Variants in TRPM3 observed in about 807,000 individuals in gnomAD.
The protein encoded by TRPM3 is long transient receptor potential channel 3.
A neutral mutation model predicts 181.2 loss-of-function variants in TRPM3; 77 were observed. The observed-to-expected ratio is 0.42, with a 90% confidence interval of 0.35 to 0.51. The LOEUF is 0.51. Among genes scored for constraint, TRPM3 ranks in the 20% least tolerant of loss-of-function variants. The pLI is 0.01. For synonymous variants in TRPM3, 745 were observed against 796.4 expected (o/e 0.94, Z 1.09); for missense variants, 1,759 against 2,196.7 (o/e 0.80, Z 3.98).
At chr9:71,350,260 C>T (rs1473298277) in intron 1 of TRPM3, among the ~76,000 whole-genome samples, 2 of 152,104 alleles carry the variant, frequency 1.3e-5, no homozygotes, top group Non-Finnish European at 2.9e-5. Context: ...TATTTCATGT[C>T]AAGTACTAGT....
chr9:70,774,692 G>T (rs563876311), intron 7 of TRPM3: 6 of 152,134 alleles, frequency 3.9e-5, no homozygotes, highest in Non-Finnish European at 5.9e-5. Flanking sequence ...CTGAATCATG[G>T]TTCTATGGAT....
chr9:71,008,729 A>C (rs955124577), intron 1 of TRPM3, among the ~76,000 whole-genome samples: 6 of 152,018 alleles, frequency 3.9e-5, no homozygotes, highest in East Asian at 1.9e-4. Flanking sequence ...CCTGTAATCC[A>C]AGCTACTCAG....
chr9:71,350,191 TCA>T (rs2091541271), intron 1 of TRPM3, among the ~76,000 whole-genome samples: 1 of 152,096 alleles, frequency 6.6e-6, no homozygotes. Flanking sequence ...AGCAAATATC[TCA>T]CAGTCTATGA....
intron 1 of TRPM3, among the ~76,000 whole-genome samples, chr9:71,334,479 T>G (rs956149652): frequency 1.3e-5 from 2 of 151,806 alleles, no homozygotes; most frequent in Admixed American, 1.3e-4. Flanking sequence ...CTATAAATTT[T>G]TGCCACAGAA....
chr9:71,124,881 ATG>A (rs542325145), upstream of TRPM3, among the ~76,000 whole-genome samples: 395 of 152,322 alleles, frequency 2.6e-3, 1 homozygote, highest in Non-Finnish European at 4.2e-3. Flanking sequence ...TCCCTCTGAA[ATG>A]TGTTTTCTGC....
chr9:70,550,514 G>A (rs1244436124), intron 24 of TRPM3, among the ~76,000 whole-genome samples: 2 of 152,296 alleles, frequency 1.3e-5, no homozygotes, highest in South Asian at 4.1e-4. Context: ...CCTGGTTTCT[G>A]TTAATAGAAG....
At position 70,940,758 on chromosome 9, in the gene TRPM3, C is replaced by T. The variant is rs76977117; in HGVS notation, c.178-76247G>A. Among the ~76,000 whole-genome samples the T allele has an allele frequency of 4.2e-3, 632 of 152,110 alleles. 7 individuals are homozygous for T. Among genetic ancestry groups the T allele is most frequent in the African/African-American group, 0.015 (604 of 41,504 alleles). On this transcript the variant is annotated intron_variant, in intron 1 of 25. Transcript: ENST00000677713. ...GAGTCAGCAATGAGAAATTTCGGGA[C>T]AGGGATGGAGAGTGGAGGGAAGGAG...
intron 1 of TRPM3, among the ~76,000 whole-genome samples, chr9:71,129,396 T>C (rs1235588639): frequency 6.6e-6 from 1 of 152,182 alleles, no homozygotes; most frequent in Admixed American, 6.5e-5. Context: ...GTCCTTATTT[T>C]TAAAATAGAT....
intron 1 of TRPM3, among the ~76,000 whole-genome samples, chr9:71,180,610 C>T (rs553694694): frequency 1.4e-3 from 214 of 152,238 alleles, no homozygotes; most frequent in African/African-American, 4.9e-3. Context: ...AGCATGGATA[C>T]ACAGTTCCCA....
chr9:70,849,958 A>C (rs1419536939), intron 3 of TRPM3, among the ~76,000 whole-genome samples: 1 of 152,210 alleles, frequency 6.6e-6, no homozygotes, highest in Non-Finnish European at 1.5e-5. Flanking sequence ...AAGCACGCAG[A>C]ATATGAAAGC....
At chr9:70,959,698 C>T (rs1354411009) in intron 1 of TRPM3, among the ~76,000 whole-genome samples, 2 of 152,142 alleles carry the variant, frequency 1.3e-5, no homozygotes, top group African/African-American at 4.8e-5. Flanking sequence ...TACTGAACAT[C>T]AAAACTCAAA....
chr9:70,663,660 G>A (rs184090542), intron 9 of TRPM3, among the ~76,000 whole-genome samples: 1 of 152,174 alleles, frequency 6.6e-6, no homozygotes, highest in East Asian at 1.9e-4. Flanking sequence ...TTAAGACTTT[G>A]TAGCACTTAA....
chr9:71,336,343 C>G lies in TRPM3; in HGVS notation c.183+110310G>C, dbSNP rs568433456. Among the ~76,000 whole-genome samples, 3 of 152,176 alleles carry G rather than the reference C, an allele frequency of 2.0e-5. No individual in the cohort carries two copies. The East Asian group carries it at 5.8e-4, about 29-fold the overall frequency. ...AAACAGCCAAATCATGAGTGAACTCCCATTCACAATTGCTACAAACAGAAT... is the reference window on the plus strand; with the variant it reads ...AAACAGCCAAATCATGAGTGAACTCGCATTCACAATTGCTACAAACAGAAT... On this transcript the variant is annotated intron_variant, in intron 1 of 24. Coordinates refer to the TRPM3 transcript ENST00000357533.
intron 1 of TRPM3, among the ~76,000 whole-genome samples, chr9:71,367,959 GTA>G (rs3041718): frequency 6.4e-4 from 88 of 138,386 alleles, no homozygotes; most frequent in African/African-American, 1.8e-3. Flanking sequence ...GTGTGTGTGT[GTA>G]TATATATATC....
chr9:70,959,685 C>T (rs1353197869), intron 1 of TRPM3, among the ~76,000 whole-genome samples: 6 of 152,100 alleles, frequency 3.9e-5, no homozygotes, highest in Non-Finnish European at 5.9e-5. Flanking sequence ...GATCTTTCTT[C>T]GCTACTGAAC....
At chr9:70,592,849 CCTCCT>C (rs1226403423) in intron 21 of TRPM3, among the ~76,000 whole-genome samples, 15 of 152,066 alleles carry the variant, frequency 9.9e-5, no homozygotes, top group Non-Finnish European at 2.9e-5. Context: ...TCTGCCTCAG[CCTCCT>C]GAGTAGCTGG....
At chr9:71,369,424 C>T (rs1289632043) in intron 1 of TRPM3, among the ~76,000 whole-genome samples, 3 of 152,070 alleles carry the variant, frequency 2.0e-5, no homozygotes, top group Non-Finnish European at 4.4e-5. Context: ...AGATACTGAA[C>T]AAAAATAGTG....
At chr9:71,296,342 C>CA (rs997688957) in intron 1 of TRPM3, among the ~76,000 whole-genome samples, 4 of 152,150 alleles carry the variant, frequency 2.6e-5, no homozygotes, top group East Asian at 1.9e-4. Flanking sequence ...AACAAGTAGA[C>CA]AAAAAATCCA....
intron 1 of TRPM3, among the ~76,000 whole-genome samples, chr9:71,112,509 A>T (rs1268376549): frequency 6.6e-6 from 1 of 152,164 alleles, no homozygotes; most frequent in East Asian, 1.9e-4. Context: ...TTAATCACAA[A>T]AAAATTACCA....
Sources: allele counts gnomAD v4.1 joint callset (sites outside exome capture counted in the v4.1 genomes callset), GRCh38; gene constraint gnomAD v4.1.1; transcripts MANE v1.5; gene names NCBI Gene and HGNC (gene_info 2026-07-23, HGNC 2026-07-21).